AKT1: variants seen among roughly 807,000 people sequenced by gnomAD.
AKT1 encodes the protein RAC-alpha serine/threonine-protein kinase.
Under a neutral mutation model 63.1 loss-of-function variants are expected in AKT1, and 21 were observed. The ratio of observed to expected loss-of-function variants is 0.33; its 90% CI spans 0.24 to 0.48. AKT1 has a LOEUF of 0.48. Ranked by LOEUF, AKT1 falls within the 20% of genes least tolerant of loss-of-function variation. The pLI is 0.99. For missense variants in AKT1, 382 were observed against 666.0 expected (o/e 0.57, Z 4.69); for synonymous variants, 257 against 253.1 (o/e 1.02, Z -0.15).
intron 3 of AKT1, among the ~76,000 whole-genome samples, chr14:104,782,523 G>A (rs1328520380): frequency 6.6e-6 from 1 of 152,194 alleles, no homozygotes; most frequent in Non-Finnish European, 1.5e-5. Context: ...GGATCTGGGG[G>A]TGCGGGAGGG....
At chr14:104,784,399 G>C (rs1296076991) in intron 3 of AKT1, among the ~76,000 whole-genome samples, 4 of 152,104 alleles carry the variant, frequency 2.6e-5, no homozygotes, top group Non-Finnish European at 4.4e-5. Context: ...TCCTGTCCCT[G>C]CCCGGGGGGA....
intron 13 of AKT1, chr14:104,771,308 T>C (rs1158008807): frequency 4.0e-6 from 1 of 250,954 alleles, no homozygotes; most frequent in African/African-American, 2.2e-5. Flanking sequence ...CCTGCTGGCA[T>C]CTGGCTGCAG....
At chr14:104,783,161 G>C (rs1284869390) in intron 3 of AKT1, among the ~76,000 whole-genome samples, 1 of 152,054 alleles carries the variant, frequency 6.6e-6, no homozygotes. Context: ...CATCAGCCAG[G>C]GCTGCCCTCC....
chr14:104,770,602 C>T, intron 14 of AKT1, 143 bp downstream of exon 14: 1 of 948,066 alleles, frequency 1.1e-6, no homozygotes, highest in Non-Finnish European at 1.6e-6. Context: ...CTGCCTCCCA[C>T]CCTGATCATT....
intron 4 of AKT1, 129 bp downstream of exon 4, chr14:104,779,959 C>T: frequency 7.4e-7 from 1 of 1,354,658 alleles, no homozygotes; most frequent in Non-Finnish European, 9.9e-7. Context: ...CCCCACCCAG[C>T]CAGTGCTTGT....
intron 4 of AKT1, 131 bp from the exon 5 acceptor site, chr14:104,776,901 C>T: frequency 1.4e-6 from 1 of 690,448 alleles, no homozygotes; most frequent in Non-Finnish European, 2.4e-6. Context: ...CCATCTCTTC[C>T]TCTCTCCAAG....
chr14:104,774,683 G>A lies in AKT1; in HGVS notation c.633+255C>T, dbSNP rs116305516. ...GGGAGCTGGGGCCTCCTGGAGCCTC[G>A]GCAGAGTGCAAGGAAGACCAGGGCC... On this transcript the variant is annotated intron_variant, in intron 8 of 14. Transcript: ENST00000649815. 1,323 of 514,328 alleles carry A rather than the reference G, an allele frequency of 2.6e-3. 16 individuals are homozygous for A. The highest frequency in any genetic ancestry group is 0.022 in the African/African-American group (1,156 of 52,098). 31.9% of individuals were successfully genotyped at this position (514,328 alleles called of 1,614,324 possible).
chr14:104,775,998 C>G (rs1472954501), intron 5 of AKT1, 199 bp from the exon 6 acceptor site: 29 of 599,662 alleles, frequency 4.8e-5, no homozygotes, highest in Middle Eastern at 4.5e-4. Flanking sequence ...TGGGGGACAC[C>G]CAGGCTTAGC....
chr14:104,781,020 C>T (rs1440739327), intron 3 of AKT1, among the ~76,000 whole-genome samples: 1 of 152,212 alleles, frequency 6.6e-6, no homozygotes. Flanking sequence ...CATTCAGGTA[C>T]ACGGGAACAT....
chr14:104,790,551 C>G (rs1362086807), intron 3 of AKT1, among the ~76,000 whole-genome samples: 2 of 152,176 alleles, frequency 1.3e-5, no homozygotes, highest in East Asian at 1.9e-4. Flanking sequence ...CGGCAGGCCC[C>G]GGAGGACAGG....
At chr14:104,787,645 G>A (rs1893401847) in intron 3 of AKT1, among the ~76,000 whole-genome samples, 1 of 152,234 alleles carries the variant, frequency 6.6e-6, no homozygotes, top group African/African-American at 2.4e-5. Flanking sequence ...AGAGTGGAAG[G>A]TGTACGGGGG....
chr14:104,780,717 C>T (rs1055275661), intron 3 of AKT1, among the ~76,000 whole-genome samples: 1 of 150,258 alleles, frequency 6.7e-6, no homozygotes, highest in East Asian at 1.9e-4. Context: ...ATGGCCGCCC[C>T]CCCCGCCCCG....
intron 3 of AKT1, among the ~76,000 whole-genome samples, chr14:104,786,051 T>C (rs556185711): frequency 6.6e-6 from 1 of 151,906 alleles, no homozygotes; most frequent in East Asian, 1.9e-4. Context: ...CACACACCCA[T>C]CCATCGCAGA....
rs778838358 is a variant in AKT1 at position 104,773,914 on chromosome 14, C to T, written c.700G>A (p.Glu234Lys). 1.2e-6 allele frequency: 2 copies of T among 1,608,274 alleles called. No individual in the cohort carries two copies. The highest frequency in any genetic ancestry group is 1.7e-6 in the Non-Finnish European group (2 of 1,177,150). The change falls in exon 9 of 15, where the codon GAG becomes AAG. Residue 234 changes from glutamate (E) to lysine (K), a missense_variant and splice_region_variant. Glu to Lys is a moderately conservative substitution (Grantham distance 56). Transcript: ENST00000649815. ...TCCCCCGCAGCCCCAGCCCCTACCT[C>T]GCCCCCGTTGGCGTACTCCATGACA... ...CFVMEYANGG[E>K]LFFHLSRERV...
At chr14:104,789,326 T>C (rs950143616) in intron 3 of AKT1, among the ~76,000 whole-genome samples, 1 of 151,900 alleles carries the variant, frequency 6.6e-6, no homozygotes, top group African/African-American at 2.4e-5. Flanking sequence ...CAGCCGCGAG[T>C]GGACAAAAAC....
chr14:104,770,175 G>T lies in AKT1; in HGVS notation c.*166C>A, dbSNP rs896091178. The T allele has an allele frequency of 2.0e-5, 14 of 699,278 alleles. No homozygotes were observed. The East Asian group carries it at 3.8e-4, about 19-fold the overall frequency. 43.3% of individuals were successfully genotyped at this position (699,278 alleles called of 1,614,324 possible). On this transcript the variant is annotated 3_prime_UTR_variant, in exon 15 of 15. Transcript: ENST00000649815. ...GTTTTCTTCCCTACCCCGCTGCGGG[G>T]GAGGGTGCTGCCCACAGCACAAAAA...
intron 3 of AKT1, among the ~76,000 whole-genome samples, chr14:104,791,730 G>A (rs61758463): frequency 0.19 from 28,699 of 152,234 alleles, 3,560 homozygotes; most frequent in Non-Finnish European, 0.27. Context: ...TCTGCTAGAG[G>A]GTGTACGTAA....
rs1436924187 is a variant in AKT1, at chr14:104,775,585, T to C, written c.435+67A>G. 2.6e-6 allele frequency: 4 copies of C among 1,561,902 alleles called. No individual in the cohort carries two copies. The African/African-American group carries it at 4.1e-5, about 16-fold the overall frequency. ...TCTCCTGGGCCGAGCTGGGACCCCA[T>C]GACCCACCCAGCCCTCCACAGTCCA... On this transcript the variant is annotated intron_variant, in intron 6 of 14. Coordinates refer to ENST00000649815, the MANE Select transcript of AKT1 (RefSeq NM_001382430.1).
Position 104,775,696 on chromosome 14 carries a change from C to T in AKT1, c.391G>A (p.Ala131Thr). 6.2e-7 allele frequency: 1 copy of T among 1,614,114 alleles called. No homozygotes were observed. Among genetic ancestry groups the T allele is most frequent in the Non-Finnish European group, 8.5e-7 (1 of 1,179,992 alleles). Residue 131 changes from alanine to threonine, a missense_variant, in exon 6 of 15, where the codon GCT becomes ACT. Physicochemically the swap from Ala to Thr is moderately conservative, Grantham distance 58 (BLOSUM62 0). Around this residue, in one of 3 missense-constraint regions of AKT1, gnomAD observed 226 missense variants for 366.4 expected, o/e 0.62. Transcript: ENST00000649815. The part of the protein sequence containing the change: ...RSGSPSDNSG[A>T]EEMEVSLAKP... The stretch of plus-strand genomic sequence containing the variant: ...GCCAGGGACACCTCCATCTCTTCAG[C>T]CCCTGAGTTGTCACTGGGTGAGCCC...
Sources: allele counts gnomAD v4.1 joint callset (sites outside exome capture counted in the v4.1 genomes callset), GRCh38; gene constraint gnomAD v4.1.1; regional missense constraint gnomAD v4.1.1; transcripts MANE v1.5; gene names NCBI Gene and HGNC (gene_info 2026-07-23, HGNC 2026-07-21).